LGI3: variants seen among roughly 807,000 people sequenced by gnomAD.
The protein encoded by LGI3 is leucine rich repeat LGI family member 3.
LGI3 carries 47 observed loss-of-function variants against 55.4 expected under a neutral mutation model. That is an observed-to-expected ratio of 0.85 (90% CI 0.67 to 1.08). LGI3 has a LOEUF of 1.08. Among genes scored for constraint, LGI3 ranks in the 50% least tolerant of loss-of-function variants. LGI3 has a pLI of 0.00. For synonymous variants in LGI3, 326 were observed against 315.0 expected, an observed-to-expected ratio of 1.04 and a Z score of -0.37; for missense variants, 664 against 726.3, an observed-to-expected ratio of 0.91 and a Z score of 0.99.
chr8:22,150,349 C>CTTT (rs1397620505), intron 7 of LGI3, among the ~76,000 whole-genome samples: 4 of 116,860 alleles, frequency 3.4e-5, no homozygotes, highest in Admixed American at 9.1e-5. Context: ...TTTAAGCCTT[C>CTTT]TATTTTTTTT....
chr8:22,156,037 G>T (rs377548959), intron 1 of LGI3, among the ~76,000 whole-genome samples: 1 of 152,208 alleles, frequency 6.6e-6, no homozygotes, highest in African/African-American at 2.4e-5. Context: ...CCACATGCTC[G>T]TGTAAGCAAC....
chr8:22,155,023 C>T (rs763942734), intron 2 of LGI3: 19 of 406,098 alleles, frequency 4.7e-5, no homozygotes, highest in Non-Finnish European at 8.6e-5. Context: ...TTTCAGCCCC[C>T]AGCTCTTTCT....
At chr8:22,154,463 C>A (rs143817200) in intron 3 of LGI3, 97 bp downstream of exon 3, 3 of 1,077,524 alleles carry the variant, frequency 2.8e-6, no homozygotes, top group Non-Finnish European at 4.3e-6. Flanking sequence ...TCCCTTCCTG[C>A]GGCATTCTCA....
In LGI3 at chr8:22,154,144, G is replaced by A; in HGVS notation, c.420C>T (p.His140=). 1 of 1,613,628 alleles carries A rather than the reference G, an allele frequency of 6.2e-7. No individual in the cohort carries two copies. The highest frequency in any genetic ancestry group is 8.5e-7 in the Non-Finnish European group (1 of 1,179,540). The change falls in exon 4 of 8, where the codon CAC becomes CAT. Residue 140 remains histidine (H), a splice_region_variant and synonymous_variant. Transcript: ENST00000306317. The part of the protein sequence containing the change: ...FTFRGLKSLT[H]LSLANNNLQT... Reference sequence around the variant, plus strand: ...GTGTGTATGTGTGACGTACTCACAGGTGAGTCAAGGACTTGAGTCCTCGGA... The same window carrying A: ...GTGTGTATGTGTGACGTACTCACAGATGAGTCAAGGACTTGAGTCCTCGGA...
rs553547974 is a variant in LGI3 at position 22,155,986 on chromosome 8, C to T, written c.206+351G>A. ...TAGCTCATTCTCATCCTGCTCTGGCCGCCACTCTCCTGCCCTTGGTGTGAC... is the reference window on the plus strand; with the variant it reads ...TAGCTCATTCTCATCCTGCTCTGGCTGCCACTCTCCTGCCCTTGGTGTGAC... On this transcript the variant is annotated intron_variant, in intron 1 of 7. Transcript: ENST00000306317. 3.9e-5 allele frequency among the ~76,000 whole-genome samples: 6 copies of T among 152,334 alleles called. No homozygotes were observed. The South Asian group carries it at 1.0e-3, about 26-fold the overall frequency.
In LGI3 at chr8:22,147,989, G is replaced by A. The variant is rs1048125888; in HGVS notation, c.*171C>T. 3.3e-5 allele frequency: 20 copies of A among 606,656 alleles called. No individual in the cohort carries two copies. The highest frequency in any genetic ancestry group is 1.0e-4 in the South Asian group (5 of 48,190). 37.6% of individuals were successfully genotyped at this position (606,656 alleles called of 1,614,324 possible). A position where few individuals can be genotyped will look rare whatever the true frequency, so the allele number is the denominator to read the frequency against. ...CATGCTGATTGCAGTGATGATGCACGTCCTCCTGGGCCAGTCCACGGGGTG... is the reference window on the plus strand; with the variant it reads ...CATGCTGATTGCAGTGATGATGCACATCCTCCTGGGCCAGTCCACGGGGTG... On this transcript the variant is annotated 3_prime_UTR_variant, in exon 8 of 8. Transcript: ENST00000306317.
chr8:22,151,898 G>C lies in LGI3; in HGVS notation c.597C>G (p.Ser199Arg), dbSNP rs1264199213. Reference protein sequence around the residue: ...NTTVAPIYCASPPRFQEHKVQ... With the variant: ...NTTVAPIYCARPPRFQEHKVQ... The stretch of plus-strand genomic sequence containing the variant: ...CCTTGTGCTCCTGGAAGCGGGGCGG[G>C]CTGGCGCAGTAGATGGGTGCCACCG... The change falls in exon 6 of 8, where the codon AGC becomes AGG. Residue 199 changes from serine (S) to arginine (R), a missense_variant. Physicochemically the swap from Ser to Arg is moderately radical, Grantham distance 110. Transcript: ENST00000306317. 1 of 1,613,354 alleles carries C rather than the reference G, an allele frequency of 6.2e-7. No homozygotes were observed. The highest frequency in any genetic ancestry group is 2.2e-5 in the East Asian group (1 of 44,878).
At chr8:22,152,169 C>G (rs1240539877) in intron 5 of LGI3, among the ~76,000 whole-genome samples, 169 bp from the exon 6 acceptor site, 1 of 152,190 alleles carries the variant, frequency 6.6e-6, no homozygotes, top group Non-Finnish European at 1.5e-5. Context: ...TGGATGTAGC[C>G]CCACAGACAC....
chr8:22,149,067 T>G, intron 7 of LGI3, 90 bp from the exon 8 acceptor site: 1 of 892,458 alleles, frequency 1.1e-6, no homozygotes, highest in South Asian at 1.7e-5. Flanking sequence ...CCTTCCAAAC[T>G]TGGGCCAGGA....
Position 22,156,431 on chromosome 8 carries a change from G to T in LGI3, c.112C>A (p.Pro38Thr). The change falls in exon 1 of 8, where the codon CCC becomes ACC. Residue 38 changes from proline (P) to threonine (T), a missense_variant. By Grantham distance (38) the Pro-to-Thr change is conservative. Transcript: ENST00000306317. ...VSAKRPPKTP[P>T]CPPSCSCTRD... Reference sequence around the variant, plus strand: ...GTGCAAGAGCAGCTGGGCGGGCAGGGGGGCGTCTTGGGGGGCCTCTTAGCG... The same window carrying T: ...GTGCAAGAGCAGCTGGGCGGGCAGGTGGGCGTCTTGGGGGGCCTCTTAGCG... 6.3e-7 allele frequency: 1 copy of T among 1,575,594 alleles called. No homozygotes were observed. The highest frequency in any genetic ancestry group is 8.6e-7 in the Non-Finnish European group (1 of 1,163,784).
At position 22,154,695 on chromosome 8, in the gene LGI3, G is replaced by A. The variant is rs922615993; in HGVS notation, c.279-64C>T. On this transcript the variant is annotated intron_variant, in intron 2 of 7. Transcript: ENST00000306317. ...TGCCTGCTGCCCCAGCCCCCAGCCC[G>A]CTGCCTCAGCCCTGGGCTTCCCCAA... The A allele has an allele frequency of 4.7e-5, 59 of 1,253,550 alleles. No individual in the cohort carries two copies. The East Asian group carries it at 8.2e-4, about 17-fold the overall frequency. The allele number at this position is 1,253,550 out of a possible 1,614,324, so 77.7% of individuals were successfully genotyped here. A position where few individuals can be genotyped will look rare whatever the true frequency, so the allele number is the denominator to read the frequency against.
Position 22,148,855 on chromosome 8 carries a change from G to T in LGI3, c.952C>A (p.Leu318Met). The change falls in exon 8 of 8, where the codon CTG (leucine) becomes ATG (methionine). Residue 318 changes from leucine (L) to methionine (M), a missense_variant. By Grantham distance (15) the Leu-to-Met change is conservative. Transcript: ENST00000306317. This position sits in a 1 kb window ranked among gnomAD's most constrained non-coding sequence, Gnocchi z 7.0. Reference sequence around the variant, plus strand: ...ACGCGCTGCGGGTCAATGTCTTGCAGCCTGGTGAAGCGCGTGGTGTTGGGA... The same window carrying T: ...ACGCGCTGCGGGTCAATGTCTTGCATCCTGGTGAAGCGCGTGGTGTTGGGA... ...WDPNTTRFTR[L>M]QDIDPQRVRK... The T allele has an allele frequency of 6.2e-7, 1 of 1,614,210 alleles. No individual in the cohort carries two copies. The highest frequency in any genetic ancestry group is 8.5e-7 in the Non-Finnish European group (1 of 1,180,030).
Position 22,154,639 on chromosome 8 carries a change from G to C in LGI3, c.279-8C>G. On this transcript the variant is annotated splice_polypyrimidine_tract_variant and splice_region_variant and intron_variant, in intron 2 of 7. Coordinates refer to ENST00000306317, the MANE Select transcript of LGI3 (RefSeq NM_139278.4). ...TTGTTGGAGTTGAGTAACCTGCAGA[G>C]ACAAAGGTGGAATTAGAGCTTCCAA... 6.2e-7 allele frequency: 1 copy of C among 1,609,348 alleles called. No individual in the cohort carries two copies. The highest frequency in any genetic ancestry group is 8.5e-7 in the Non-Finnish European group (1 of 1,175,852).
At chr8:22,150,351 A>ATT (rs61084616) in intron 7 of LGI3, among the ~76,000 whole-genome samples, 2,563 of 72,676 alleles carry the variant, frequency 0.035, 146 homozygotes, top group Admixed American at 0.047. Flanking sequence ...TAAGCCTTCT[A>ATT]TTTTTTTTTT....
intron 3 of LGI3, 88 bp from the exon 4 acceptor site, chr8:22,154,301 C>T: frequency 9.0e-7 from 1 of 1,111,136 alleles, no homozygotes; most frequent in Non-Finnish European, 1.4e-6. Context: ...TAGATTTCAG[C>T]CCGTGTCCCC....
rs181438243 is a variant in LGI3, at chr8:22,155,233, C to T, written c.278+159G>A. 4.8e-4 allele frequency: 339 copies of T among 707,404 alleles called. 1 individual carries two copies. The African/African-American group carries it at 5.5e-3, about 12-fold the overall frequency. 43.8% of individuals were successfully genotyped at this position (707,404 alleles called of 1,614,324 possible). On this transcript the variant is annotated intron_variant, in intron 2 of 7. Coordinates refer to ENST00000306317, the MANE Select transcript of LGI3 (RefSeq NM_139278.4). Reference sequence around the variant, plus strand: ...CCGACTCCCCTGACTCAAGGCTGCCCCGTCTTTTGGGTACATCCTATCAGA... The same window carrying T: ...CCGACTCCCCTGACTCAAGGCTGCCTCGTCTTTTGGGTACATCCTATCAGA...
At chr8:22,153,047 C>G (rs1375622305) in intron 5 of LGI3, among the ~76,000 whole-genome samples, 1 of 113,718 alleles carries the variant, frequency 8.8e-6, no homozygotes, top group Non-Finnish European at 1.8e-5. Context: ...GAGACTCTGT[C>G]TAAAAAAAAA....
intron 5 of LGI3, among the ~76,000 whole-genome samples, chr8:22,153,695 A>G (rs2131796232): frequency 6.7e-6 from 1 of 148,606 alleles, no homozygotes. Flanking sequence ...TGACAGAGTG[A>G]GACTCCGTCT....
Position 22,148,445 on chromosome 8 carries a change from G to T in LGI3, c.1362C>A (p.Thr454=). ...GDSKILRWEG[T]RFSEVQALPS... ...GCAGGGCCTGCACCTCCGAGAAGCGGGTACCCTCCCAGCGCAGGATCTTGG... is the reference window on the plus strand; with the variant it reads ...GCAGGGCCTGCACCTCCGAGAAGCGTGTACCCTCCCAGCGCAGGATCTTGG... Residue 454 remains threonine (T), a synonymous_variant, in exon 8 of 8, where the codon ACC becomes ACA. Transcript: ENST00000306317. The surrounding 1 kb of genome is among the most constrained non-coding windows in gnomAD (Gnocchi z 7.0). 6.2e-7 allele frequency: 1 copy of T among 1,612,312 alleles called. No individual in the cohort carries two copies. The highest frequency in any genetic ancestry group is 8.5e-7 in the Non-Finnish European group (1 of 1,179,958).
Sources: allele counts gnomAD v4.1 joint callset (sites outside exome capture counted in the v4.1 genomes callset), GRCh38; gene constraint gnomAD v4.1.1; non-coding constraint Gnocchi (gnomAD v3.1); transcripts MANE v1.5; gene names NCBI Gene and HGNC (gene_info 2026-07-23, HGNC 2026-07-21).